LRRTM4: variants seen among roughly 807,000 people sequenced by gnomAD.
LRRTM4 encodes leucine rich repeat transmembrane neuronal 4.
A neutral mutation model predicts 47.6 loss-of-function variants in LRRTM4; 25 were observed. That is an observed-to-expected ratio of 0.53 (90% CI 0.38 to 0.73). LRRTM4 has a LOEUF of 0.73. LRRTM4 is among the 30% of genes least tolerant of loss of function. The probability of loss-of-function intolerance (pLI) is 0.00; values close to 1 mark genes in which losing one functional copy is unlikely to be tolerated. For synonymous variants in LRRTM4, 311 were observed against 269.5 expected, an observed-to-expected ratio of 1.15 and a Z score of -1.51; for missense variants, 638 against 713.4, an observed-to-expected ratio of 0.89 and a Z score of 1.20.
chr2:77,011,895 G>A (rs888731631), intron 3 of LRRTM4, among the ~76,000 whole-genome samples: 1 of 151,974 alleles, frequency 6.6e-6, no homozygotes, highest in Non-Finnish European at 1.5e-5. Flanking sequence ...CATTCACGTG[G>A]TTGAGACCTC....
rs532499170 is a variant in LRRTM4 at position 76,772,199 on chromosome 2, C to T, written c.1552-23283G>A. On this transcript the variant is annotated intron_variant, in intron 3 of 3. Transcript: ENST00000409884. ...ACCCGGAGAGCTCTCTGACTCTACTCTTTTCCACCAAATGCAGACACATTG... is the reference window on the plus strand; with the variant it reads ...ACCCGGAGAGCTCTCTGACTCTACTTTTTTCCACCAAATGCAGACACATTG... 9.2e-5 allele frequency among the ~76,000 whole-genome samples: 14 copies of T among 152,258 alleles called. No individual in the cohort carries two copies. The East Asian group carries it at 2.7e-3, about 30-fold the overall frequency.
chr2:76,786,131 C>T (rs1002750608), intron 3 of LRRTM4, among the ~76,000 whole-genome samples: 2 of 151,992 alleles, frequency 1.3e-5, no homozygotes, highest in Non-Finnish European at 2.9e-5. Context: ...GGGAACTTTG[C>T]CATAATTGAT....
intron 3 of LRRTM4, among the ~76,000 whole-genome samples, chr2:76,798,379 A>G (rs557958408): frequency 3.4e-4 from 52 of 152,138 alleles, no homozygotes; most frequent in African/African-American, 1.1e-3. Context: ...GAAGGCACAA[A>G]TAAGGATGTT....
intron 3 of LRRTM4, among the ~76,000 whole-genome samples, chr2:77,338,247 G>A (rs1176983323): frequency 1.3e-5 from 2 of 151,846 alleles, no homozygotes; most frequent in African/African-American, 4.8e-5. Context: ...AAATGGCACC[G>A]TATTCAACTA....
chr2:76,794,011 T>C (rs1277209498), intron 3 of LRRTM4, among the ~76,000 whole-genome samples: 2 of 152,206 alleles, frequency 1.3e-5, no homozygotes, highest in Admixed American at 6.5e-5. Flanking sequence ...GTGTCTCTAA[T>C]AGTAATCTGT....
At position 76,748,446 on chromosome 2, in the gene LRRTM4, G is replaced by T; in HGVS notation, c.*249C>A. Reference sequence around the variant, plus strand: ...CTTGACACTCTTACTATTTACATCCGGGAGCATTTTTGTTTGTTTTATGTT... The same window carrying T: ...CTTGACACTCTTACTATTTACATCCTGGAGCATTTTTGTTTGTTTTATGTT... On this transcript the variant is annotated 3_prime_UTR_variant, in exon 4 of 4. Coordinates refer to ENST00000409884, the MANE Select transcript of LRRTM4 (RefSeq NM_001134745.3). The T allele has an allele frequency of 2.0e-6, 1 of 512,412 alleles. No homozygotes were observed. Among genetic ancestry groups the T allele is most frequent in the Non-Finnish European group, 3.5e-6 (1 of 287,052 alleles). The allele number at this position is 512,412 out of a possible 1,614,324, so 31.7% of individuals were successfully genotyped here. A position where few individuals can be genotyped will look rare whatever the true frequency, so the allele number is the denominator to read the frequency against.
intron 3 of LRRTM4, among the ~76,000 whole-genome samples, chr2:76,831,619 C>T (rs1671354142): frequency 1.3e-5 from 2 of 152,060 alleles, no homozygotes; most frequent in South Asian, 4.1e-4. Context: ...GCTGTAATGA[C>T]TTGAAATGGT....
chr2:76,965,521 T>C (rs1389213181), intron 3 of LRRTM4, among the ~76,000 whole-genome samples: 1 of 151,352 alleles, frequency 6.6e-6, no homozygotes, highest in Non-Finnish European at 1.5e-5. Context: ...CTTTGGATGA[T>C]GTAACAAAAA....
intron 3 of LRRTM4, among the ~76,000 whole-genome samples, chr2:77,410,595 C>G (rs572968703): frequency 1.3e-4 from 20 of 152,242 alleles, no homozygotes; most frequent in African/African-American, 3.9e-4. Context: ...AGGGGAGAGG[C>G]ATACTGATTG....
intron 3 of LRRTM4, among the ~76,000 whole-genome samples, chr2:76,951,741 C>T (rs553708998): frequency 3.9e-5 from 6 of 151,918 alleles, no homozygotes; most frequent in African/African-American, 1.2e-4. Flanking sequence ...TTTTAAGCCC[C>T]GCATGCATTA....
intron 3 of LRRTM4, among the ~76,000 whole-genome samples, chr2:76,921,919 A>G (rs1490196913): frequency 6.6e-6 from 1 of 152,136 alleles, no homozygotes; most frequent in African/African-American, 2.4e-5. Flanking sequence ...CAAGGAAATA[A>G]AATCACTATC....
At chr2:77,264,541 G>C (rs1676001849) in intron 3 of LRRTM4, among the ~76,000 whole-genome samples, 1 of 151,918 alleles carries the variant, frequency 6.6e-6, no homozygotes, top group Non-Finnish European at 1.5e-5. Flanking sequence ...GTCTATAATA[G>C]AAAGTAAAGA....
chr2:76,773,673 T>C lies in LRRTM4; in HGVS notation c.1552-24757A>G, dbSNP rs1356040911. Among the ~76,000 whole-genome samples the C allele has an allele frequency of 3.3e-5, 5 of 151,664 alleles. 1 individual carries two copies. The East Asian group carries it at 9.7e-4, about 29-fold the overall frequency. ...CCCTTAAATTAATTTAAAAATAAAT[T>C]TAAAATTTCCTAAGATGTAATCTTT... On this transcript the variant is annotated intron_variant, in intron 3 of 3. Coordinates refer to ENST00000409884, the MANE Select transcript of LRRTM4 (RefSeq NM_001134745.3).
At chr2:77,266,535 G>A (rs980144333) in intron 3 of LRRTM4, among the ~76,000 whole-genome samples, 2 of 152,104 alleles carry the variant, frequency 1.3e-5, no homozygotes, top group African/African-American at 2.4e-5. Flanking sequence ...GAAAAAAGAA[G>A]ATAAAAAAGT....
At chr2:77,515,568 T>C (rs1679174555) in intron 3 of LRRTM4, among the ~76,000 whole-genome samples, 1 of 151,822 alleles carries the variant, frequency 6.6e-6, no homozygotes, top group Non-Finnish European at 1.5e-5. Flanking sequence ...TAAATATTTA[T>C]GGCTTTATTG....
chr2:77,198,534 T>C (rs1673889178), intron 3 of LRRTM4, among the ~76,000 whole-genome samples: 1 of 152,192 alleles, frequency 6.6e-6, no homozygotes, highest in Admixed American at 6.5e-5. Flanking sequence ...TAAGATTAAT[T>C]GTGATTCCAT....
intron 3 of LRRTM4, among the ~76,000 whole-genome samples, chr2:77,390,270 A>C (rs1673448862): frequency 6.6e-6 from 1 of 152,070 alleles, no homozygotes; most frequent in Admixed American, 6.6e-5. Context: ...CACTATGGAG[A>C]GAGTAAAGCA....
At chr2:76,839,230 G>A (rs187446142) in intron 3 of LRRTM4, among the ~76,000 whole-genome samples, 5 of 152,262 alleles carry the variant, frequency 3.3e-5, no homozygotes, top group Non-Finnish European at 5.9e-5. Context: ...ATGAGGTAGA[G>A]AGATACAGAC....
chr2:76,896,554 G>A (rs963003779), intron 3 of LRRTM4, among the ~76,000 whole-genome samples: 5 of 152,028 alleles, frequency 3.3e-5, no homozygotes, highest in East Asian at 1.9e-4. Context: ...AAATATGCTA[G>A]AATTGACAAA....
Sources: allele counts gnomAD v4.1 joint callset (sites outside exome capture counted in the v4.1 genomes callset), GRCh38; gene constraint gnomAD v4.1.1; transcripts MANE v1.5; gene names NCBI Gene and HGNC (gene_info 2026-07-23, HGNC 2026-07-21).